Variants in PHACTR3 observed in about 807,000 individuals in gnomAD.
PHACTR3 encodes phosphatase and actin regulator 3.
A neutral mutation model predicts 66.8 loss-of-function variants in PHACTR3; 16 were observed. The observed-to-expected ratio is 0.24, with a 90% CI of 0.16 to 0.36. The LOEUF is 0.36. Among genes scored for constraint, PHACTR3 ranks in the 10% least tolerant of loss-of-function variants. PHACTR3 has a pLI of 1.00. For missense variants in PHACTR3, 647 were observed against 719.9 expected (o/e 0.90, Z 1.16); for synonymous variants, 323 against 292.1 (o/e 1.11, Z -1.08).
intron 8 of PHACTR3, among the ~76,000 whole-genome samples, chr20:59,813,452 C>T (rs1361496068): frequency 6.6e-6 from 1 of 152,186 alleles, no homozygotes. Context: ...CTGTCACATC[C>T]AATGTCATTG....
At chr20:59,837,568 A>C (rs1017884883) in intron 9 of PHACTR3, among the ~76,000 whole-genome samples, 6 of 152,214 alleles carry the variant, frequency 3.9e-5, no homozygotes, top group Non-Finnish European at 4.4e-5. Flanking sequence ...TAAACTTAAG[A>C]TATAGTGACT....
chr20:59,631,893 T>C (rs1281391696), intron 1 of PHACTR3, among the ~76,000 whole-genome samples: 4 of 151,916 alleles, frequency 2.6e-5, no homozygotes, highest in Non-Finnish European at 4.4e-5. Flanking sequence ...AGAGCTGAGG[T>C]CTGTGTTCCC....
intron 7 of PHACTR3, among the ~76,000 whole-genome samples, chr20:59,779,917 G>A (rs1014614409): frequency 6.6e-6 from 1 of 152,246 alleles, no homozygotes; most frequent in Non-Finnish European, 1.5e-5. Context: ...AACAGTCTTT[G>A]TGTTGTCACT....
At chr20:59,686,749 A>G (rs34802279) in intron 1 of PHACTR3, among the ~76,000 whole-genome samples, 34,058 of 87,624 alleles carry the variant, frequency 0.39, 5,462 homozygotes, top group African/African-American at 0.57. Context: ...GATGATGGTG[A>G]TGATGATGGT....
At chr20:59,596,118 T>C (rs1345062049) in intron 1 of PHACTR3, among the ~76,000 whole-genome samples, 1 of 152,048 alleles carries the variant, frequency 6.6e-6, no homozygotes. Context: ...CATCAAGTAG[T>C]GTTGTCTGGT....
upstream of PHACTR3, among the ~76,000 whole-genome samples, chr20:59,601,638 A>G (rs1219300219): frequency 5.9e-5 from 9 of 152,232 alleles, no homozygotes; most frequent in Admixed American, 5.2e-4. Context: ...TTTGAAGTCC[A>G]AAGTCTCTCC....
intron 1 of PHACTR3, among the ~76,000 whole-genome samples, chr20:59,742,175 G>A (rs1006116228): frequency 5.3e-5 from 8 of 152,208 alleles, no homozygotes; most frequent in South Asian, 2.1e-4. Flanking sequence ...GAATTTGTGC[G>A]CTGGGGTTTT....
At chr20:59,631,026 T>C (rs1046868260) in intron 1 of PHACTR3, among the ~76,000 whole-genome samples, 5 of 152,138 alleles carry the variant, frequency 3.3e-5, no homozygotes, top group African/African-American at 1.2e-4. Flanking sequence ...CATGTGGAGC[T>C]AGCTTCATGG....
intron 1 of PHACTR3, among the ~76,000 whole-genome samples, chr20:59,649,309 A>G (rs1443736309): frequency 1.3e-5 from 2 of 152,248 alleles, no homozygotes; most frequent in Admixed American, 1.3e-4. Context: ...CAGCCAAGAT[A>G]TGTGTATTTT....
chr20:59,750,720 A>G (rs1442260382), intron 3 of PHACTR3, among the ~76,000 whole-genome samples: 2 of 152,164 alleles, frequency 1.3e-5, no homozygotes, highest in Non-Finnish European at 2.9e-5. Flanking sequence ...CTGCAGGGAA[A>G]TATCAGGGAC....
At chr20:59,722,769 G>A (rs1207223180) in intron 1 of PHACTR3, among the ~76,000 whole-genome samples, 2 of 152,106 alleles carry the variant, frequency 1.3e-5, no homozygotes, top group African/African-American at 4.8e-5. Flanking sequence ...AGCCCTCAGG[G>A]GTTTGGGAGA....
intron 1 of PHACTR3, among the ~76,000 whole-genome samples, chr20:59,716,708 G>A (rs530550594): frequency 3.9e-5 from 6 of 152,274 alleles, no homozygotes; most frequent in Admixed American, 2.6e-4. Context: ...ACATTTATCT[G>A]TATGATTATT....
At chr20:59,774,658 A>C (rs1361563410) in intron 7 of PHACTR3, among the ~76,000 whole-genome samples, 168 bp downstream of exon 7, 1 of 152,000 alleles carries the variant, frequency 6.6e-6, no homozygotes, top group Non-Finnish European at 1.5e-5. Context: ...CTCCTGAAAC[A>C]AGCTGGGGTG....
intron 1 of PHACTR3, among the ~76,000 whole-genome samples, chr20:59,741,041 G>A (rs973079509): frequency 6.6e-6 from 1 of 152,228 alleles, no homozygotes; most frequent in African/African-American, 2.4e-5. Context: ...CTTGGACACT[G>A]GTAATGCCCC....
chr20:59,715,859 A>G (rs552268160), intron 1 of PHACTR3, among the ~76,000 whole-genome samples: 1 of 152,324 alleles, frequency 6.6e-6, no homozygotes, highest in Admixed American at 6.5e-5. Context: ...CCTAGTGGGA[A>G]TGATTCATTT....
At chr20:59,602,355 C>T (rs1225772553), upstream of PHACTR3, among the ~76,000 whole-genome samples, 1 of 149,860 alleles carries the variant, frequency 6.7e-6, no homozygotes, top group Admixed American at 6.7e-5. Flanking sequence ...TGTTTGAGCC[C>T]AGGAGTTTGA....
Position 59,677,853 on chromosome 20 carries a change from A to G in PHACTR3, c.119-65254A>G, listed in dbSNP as rs150626632. On this transcript the variant is annotated intron_variant, in intron 1 of 12. Coordinates refer to ENST00000371015, the MANE Select transcript of PHACTR3 (RefSeq NM_080672.5). Reference sequence around the variant, plus strand: ...GTCAGAAAAATCCATGGTGAGGTTCATTCAGAAATAATCAAGAGTGTATTG... The same window carrying G: ...GTCAGAAAAATCCATGGTGAGGTTCGTTCAGAAATAATCAAGAGTGTATTG... 4.4e-3 allele frequency among the ~76,000 whole-genome samples: 670 copies of G among 152,102 alleles called. 4 individuals are homozygous for G. The highest frequency in any genetic ancestry group is 0.016 in the African/African-American group (647 of 41,438).
At chr20:59,696,854 A>G (rs1384684193) in intron 1 of PHACTR3, among the ~76,000 whole-genome samples, 1 of 152,022 alleles carries the variant, frequency 6.6e-6, no homozygotes, top group Admixed American at 6.5e-5. Context: ...CCCCACTCTT[A>G]CTTTACCTGG....
intron 1 of PHACTR3, among the ~76,000 whole-genome samples, chr20:59,700,235 T>G (rs893847398): frequency 1.3e-5 from 2 of 152,258 alleles, no homozygotes; most frequent in African/African-American, 2.4e-5. Flanking sequence ...TTTTATGTGT[T>G]GCCTGATAAT....
Sources: gnomAD v4.1 joint callset for allele counts (sites outside exome capture counted in the v4.1 genomes callset) on GRCh38, gnomAD v4.1.1 for gene constraint, MANE v1.5 for transcripts, NCBI Gene and HGNC (gene_info 2026-07-23, HGNC 2026-07-21) for gene names.